Variants in ARHGAP10 observed in about 807,000 individuals in gnomAD.
ARHGAP10 encodes the protein Rho GTPase activating protein 10.
Under a neutral mutation model 108.6 loss-of-function variants are expected in ARHGAP10, and 87 were observed. The observed-to-expected ratio is 0.80, with a 90% confidence interval of 0.67 to 0.96. The LOEUF is 0.96. Ranked by LOEUF, ARHGAP10 falls within the 40% of genes least tolerant of loss-of-function variation. ARHGAP10 has a pLI of 0.00. For synonymous variants in ARHGAP10, 347 were observed against 341.1 expected (o/e 1.02, Z -0.19); for missense variants, 939 against 954.5 (o/e 0.98, Z 0.21).
intron 18 of ARHGAP10, among the ~76,000 whole-genome samples, chr4:147,988,753 A>G (rs1244929577): frequency 6.6e-6 from 1 of 152,054 alleles, no homozygotes; most frequent in Non-Finnish European, 1.5e-5. Context: ...CTTTTCCCCC[A>G]CACTTCCGTG....
chr4:148,022,033 G>A (rs1303168938), intron 18 of ARHGAP10, among the ~76,000 whole-genome samples: 1 of 152,126 alleles, frequency 6.6e-6, no homozygotes, highest in Non-Finnish European at 1.5e-5. Flanking sequence ...CTCCAGCATT[G>A]TTGTTAGTTG....
chr4:147,857,343 G>A lies in ARHGAP10; in HGVS notation c.385-210G>A, dbSNP rs560962265. Among the ~76,000 whole-genome samples, 4 of 152,310 alleles carry A rather than the reference G, an allele frequency of 2.6e-5. No homozygotes were observed. The South Asian group carries it at 8.3e-4, about 32-fold the overall frequency. On this transcript the variant is annotated intron_variant, in intron 4 of 22. Transcript: ENST00000336498. ...AGGCTTGGAAAAAAGTCCATTAAAG[G>A]AAGAAATAAAAGTGTCTCTTCTATC...
At chr4:148,016,815 C>T (rs1296279988) in intron 18 of ARHGAP10, among the ~76,000 whole-genome samples, 1 of 152,100 alleles carries the variant, frequency 6.6e-6, no homozygotes, top group Non-Finnish European at 1.5e-5. Flanking sequence ...GTTCCCACAA[C>T]CCCTGCTTTG....
chr4:147,830,481 C>CT (rs1415190856), intron 3 of ARHGAP10, among the ~76,000 whole-genome samples: 3 of 133,668 alleles, frequency 2.2e-5, no homozygotes, highest in Admixed American at 7.2e-5. Flanking sequence ...GTTTTTGCCA[C>CT]TTTTTTTTTA....
intron 13 of ARHGAP10, chr4:147,916,612 C>T (rs1043580132): frequency 2.0e-5 from 3 of 152,214 alleles, no homozygotes; most frequent in Non-Finnish European, 4.4e-5. Flanking sequence ...GCCTGAACAT[C>T]ATTAATTGCA....
At chr4:147,834,039 C>G (rs1357921192) in intron 3 of ARHGAP10, among the ~76,000 whole-genome samples, 1 of 152,174 alleles carries the variant, frequency 6.6e-6, no homozygotes, top group East Asian at 1.9e-4. Flanking sequence ...AACAGAATAC[C>G]TGCAACTAGG....
At chr4:147,742,526 C>T (rs374742420) in intron 1 of ARHGAP10, among the ~76,000 whole-genome samples, 2 of 120,324 alleles carry the variant, frequency 1.7e-5, no homozygotes, top group East Asian at 5.2e-4. Context: ...TTTTGCAGCT[C>T]AGGCTGGAGT....
chr4:147,837,253 T>C (rs1457378368), intron 3 of ARHGAP10, among the ~76,000 whole-genome samples: 2 of 152,090 alleles, frequency 1.3e-5, no homozygotes, highest in Non-Finnish European at 2.9e-5. Context: ...GATAATGAAT[T>C]GGTTTAATTA....
chr4:148,064,507 GGTAA>G lies in ARHGAP10; in HGVS notation c.2272+3_2272+6del, dbSNP rs1193758104. The G allele has an allele frequency of 7.4e-6, 12 of 1,613,696 alleles. No homozygotes were observed. The highest frequency in any genetic ancestry group is 1.6e-4 in the Middle Eastern group (1 of 6,084). On this transcript the variant is annotated splice_donor_variant and splice_donor_region_variant and intron_variant, in intron 22 of 22. Coordinates refer to ENST00000336498, the MANE Select transcript of ARHGAP10 (RefSeq NM_024605.4). LOFTEE classifies it high-confidence loss of function. ...TGAAATAGGAGCAATTTTTGAGGATGGTAAGTGTTAGTGGGAGCTTCGTCTGTTA... is the reference window on the plus strand; with the variant it reads ...TGAAATAGGAGCAATTTTTGAGGATGGTGTTAGTGGGAGCTTCGTCTGTTA...
At chr4:147,748,858 C>T (rs1333602687) in intron 1 of ARHGAP10, among the ~76,000 whole-genome samples, 4 of 152,050 alleles carry the variant, frequency 2.6e-5, no homozygotes, top group Non-Finnish European at 4.4e-5. Flanking sequence ...ACTTGGGAGG[C>T]TGAGGTGGGA....
At chr4:148,001,316 G>T (rs4835121) in intron 18 of ARHGAP10, among the ~76,000 whole-genome samples, 19 of 152,256 alleles carry the variant, frequency 1.2e-4, no homozygotes, top group South Asian at 8.3e-4. Context: ...GGTTACTGTA[G>T]CCTTGTAGTA....
intron 3 of ARHGAP10, 30 bp downstream of exon 3, chr4:147,822,987 T>A: frequency 1.9e-6 from 3 of 1,593,402 alleles, no homozygotes; most frequent in Non-Finnish European, 2.6e-6. Context: ...AATTAATAAG[T>A]CAGCTTTCAA....
intron 19 of ARHGAP10, among the ~76,000 whole-genome samples, chr4:148,032,313 G>T: frequency 9.4e-6 from 1 of 106,334 alleles, no homozygotes; most frequent in African/African-American, 3.7e-5. Context: ...ATCTAATATT[G>T]GCAATTTCAA....
At chr4:148,013,154 C>T (rs1741229427) in intron 18 of ARHGAP10, among the ~76,000 whole-genome samples, 1 of 152,124 alleles carries the variant, frequency 6.6e-6, no homozygotes, top group African/African-American at 2.4e-5. Flanking sequence ...TCCTAAAGTG[C>T]CACCATTGAC....
intron 1 of ARHGAP10, among the ~76,000 whole-genome samples, chr4:147,797,954 T>G (rs571127044): frequency 6.6e-6 from 1 of 152,266 alleles, no homozygotes; most frequent in South Asian, 2.1e-4. Context: ...TTGTCCTGTT[T>G]CCCCATTTCA....
chr4:147,847,770 A>G (rs994502015), intron 4 of ARHGAP10, among the ~76,000 whole-genome samples: 1 of 152,216 alleles, frequency 6.6e-6, no homozygotes, highest in Non-Finnish European at 1.5e-5. Flanking sequence ...AAGGTGAGTG[A>G]ACCACAGACT....
intron 7 of ARHGAP10, among the ~76,000 whole-genome samples, chr4:147,872,670 T>G (rs543983788): frequency 8.6e-4 from 131 of 152,336 alleles, no homozygotes; most frequent in Middle Eastern, 6.8e-3. Flanking sequence ...TATGATATAC[T>G]GTGTTCTTAC....
intron 10 of ARHGAP10, among the ~76,000 whole-genome samples, chr4:147,904,479 A>G (rs992294953): frequency 6.7e-6 from 1 of 149,616 alleles, no homozygotes; most frequent in African/African-American, 2.5e-5. Flanking sequence ...GAGAACATGC[A>G]GTGTTTGGTT....
At chr4:147,960,567 A>G (rs1300052708) in intron 16 of ARHGAP10, among the ~76,000 whole-genome samples, 1 of 152,246 alleles carries the variant, frequency 6.6e-6, no homozygotes, top group Non-Finnish European at 1.5e-5. Context: ...ATTTATACTT[A>G]AAATTTACCA....
Sources: allele counts gnomAD v4.1 joint callset (sites outside exome capture counted in the v4.1 genomes callset), GRCh38; gene constraint gnomAD v4.1.1; transcripts MANE v1.5; gene names NCBI Gene and HGNC (gene_info 2026-07-23, HGNC 2026-07-21).